The following FAM110B variants were observed in gnomAD, a reference collection of about 807,000 sequenced individuals.
The protein encoded by FAM110B is family with sequence similarity 110 member B, also known as protein FAM110B.
FAM110B carries 6 observed loss-of-function variants against 20.4 expected under a neutral mutation model. The ratio of observed to expected loss-of-function variants is 0.29; its 90% CI spans 0.16 to 0.58. FAM110B has a LOEUF of 0.58. Ranked by LOEUF, FAM110B falls within the 20% of genes least tolerant of loss-of-function variation. The pLI is 0.90. For synonymous variants in FAM110B, 226 were observed against 214.1 expected (o/e 1.06, Z -0.49); for missense variants, 434 against 498.2 (o/e 0.87, Z 1.23).
chr8:58,064,448 G>T (rs976929690), intron 2 of FAM110B, among the ~76,000 whole-genome samples: 1 of 151,564 alleles, frequency 6.6e-6, no homozygotes, highest in Admixed American at 6.6e-5. Flanking sequence ...AAAAAGTTGC[G>T]CTTAGTTAAG....
chr8:58,022,038 A>T (rs1563499494), intron 1 of FAM110B, among the ~76,000 whole-genome samples: 1 of 152,196 alleles, frequency 6.6e-6, no homozygotes, highest in Non-Finnish European at 1.5e-5. Flanking sequence ...TGTGAGCAGC[A>T]TTCTGGGGTG....
At chr8:58,076,677 T>C (rs906310449) in intron 3 of FAM110B, among the ~76,000 whole-genome samples, 2 of 152,052 alleles carry the variant, frequency 1.3e-5, no homozygotes, top group African/African-American at 4.8e-5. Context: ...TAACACCAAA[T>C]GAGGAGGTTA....
chr8:58,045,260 T>A, intron 2 of FAM110B, among the ~76,000 whole-genome samples: 1 of 152,178 alleles, frequency 6.6e-6, no homozygotes, highest in Admixed American at 6.5e-5. Context: ...TGGCAGGGTG[T>A]CAGCAAAGTG....
At chr8:58,038,170 G>A (rs1186549419) in intron 2 of FAM110B, among the ~76,000 whole-genome samples, 1 of 152,160 alleles carries the variant, frequency 6.6e-6, no homozygotes, top group East Asian at 1.9e-4. Context: ...ACATAGAAAT[G>A]CATGGTAGCC....
At chr8:58,116,147 T>C (rs984331543) in intron 3 of FAM110B, among the ~76,000 whole-genome samples, 12 of 152,254 alleles carry the variant, frequency 7.9e-5, no homozygotes, top group African/African-American at 2.7e-4. Context: ...TTTTAAAATA[T>C]ATTCAGAAAA....
chr8:58,092,614 A>G (rs944193800), intron 3 of FAM110B, among the ~76,000 whole-genome samples: 1 of 152,218 alleles, frequency 6.6e-6, no homozygotes, highest in Non-Finnish European at 1.5e-5. Context: ...AATGGTGTAC[A>G]TATGTCACAT....
intron 2 of FAM110B, among the ~76,000 whole-genome samples, chr8:58,074,354 A>G (rs1179281201): frequency 6.6e-6 from 1 of 151,796 alleles, no homozygotes; most frequent in African/African-American, 2.4e-5. Flanking sequence ...GTGTCCACCA[A>G]TCCCCCACAC....
rs7828094 is a variant in FAM110B, at chr8:58,009,153, C to T, written c.-512+14347C>T. Among the ~76,000 whole-genome samples the T allele has an allele frequency of 6.8e-3, 1,036 of 152,314 alleles. 11 individuals carry two copies. Among genetic ancestry groups the T allele is most frequent in the African/African-American group, 0.023 (951 of 41,556 alleles). ...GGGACGTAAGTCACATTCCAGCCAG[C>T]GGAGTCTTGTGAATATCTGCTTTGG... On this transcript the variant is annotated intron_variant, in intron 1 of 3. Coordinates refer to ENST00000519262, the MANE Select transcript of FAM110B (RefSeq NM_001377989.1).
intron 3 of FAM110B, among the ~76,000 whole-genome samples, chr8:58,116,294 T>A (rs904573580): frequency 1.3e-5 from 2 of 152,178 alleles, no homozygotes; most frequent in Non-Finnish European, 2.9e-5. Context: ...CTCTAACCCG[T>A]GAGTCTGAGC....
intron 2 of FAM110B, among the ~76,000 whole-genome samples, chr8:58,060,929 T>G (rs1805644668): frequency 6.6e-6 from 1 of 152,136 alleles, no homozygotes; most frequent in African/African-American, 2.4e-5. Flanking sequence ...TGTATGATTT[T>G]CTGCTTTCTT....
At chr8:58,065,144 A>G (rs1004896310) in intron 2 of FAM110B, among the ~76,000 whole-genome samples, 1 of 152,190 alleles carries the variant, frequency 6.6e-6, no homozygotes, top group Non-Finnish European at 1.5e-5. Flanking sequence ...ATCTTTTTTT[A>G]AAAACAGCAG....
intron 1 of FAM110B, among the ~76,000 whole-genome samples, chr8:58,017,131 C>A (rs966111246): frequency 6.6e-6 from 1 of 152,186 alleles, no homozygotes; most frequent in Admixed American, 6.5e-5. Context: ...GCTTCTCAGT[C>A]ATGCAGCTTG....
chr8:58,007,661 C>T (rs1804438649), intron 1 of FAM110B, among the ~76,000 whole-genome samples: 1 of 152,178 alleles, frequency 6.6e-6, no homozygotes, highest in South Asian at 2.1e-4. Flanking sequence ...CCTCCTTCAG[C>T]TGTGTGAGAA....
intron 3 of FAM110B, among the ~76,000 whole-genome samples, chr8:58,104,084 C>G (rs1162667950): frequency 2.0e-5 from 3 of 152,206 alleles, no homozygotes; most frequent in Non-Finnish European, 4.4e-5. Context: ...TCTGCATACC[C>G]ATATTTCATG....
At chr8:58,122,964 C>G (rs140283199) in intron 3 of FAM110B, among the ~76,000 whole-genome samples, 1 of 152,304 alleles carries the variant, frequency 6.6e-6, no homozygotes, top group African/African-American at 2.4e-5. Flanking sequence ...GGCGTCTCCC[C>G]CAGATCATAC....
chr8:58,074,799 T>C (rs1213892302), intron 2 of FAM110B, among the ~76,000 whole-genome samples: 1 of 152,152 alleles, frequency 6.6e-6, no homozygotes, highest in Non-Finnish European at 1.5e-5. Context: ...TGAATGGGCC[T>C]CAGTTTCTGG....
At chr8:58,029,320 G>A (rs543004743) in intron 1 of FAM110B, among the ~76,000 whole-genome samples, 1 of 152,222 alleles carries the variant, frequency 6.6e-6, no homozygotes, top group East Asian at 1.9e-4. Context: ...GAATAAGACA[G>A]GGAAACTATA....
At chr8:58,102,483 A>G (rs1806800626) in intron 3 of FAM110B, among the ~76,000 whole-genome samples, 1 of 152,184 alleles carries the variant, frequency 6.6e-6, no homozygotes, top group African/African-American at 2.4e-5. Flanking sequence ...ATTAATAATT[A>G]TTTTTAAAGG....
intron 1 of FAM110B, among the ~76,000 whole-genome samples, chr8:58,024,716 T>C (rs1804820303): frequency 6.6e-6 from 1 of 152,162 alleles, no homozygotes; most frequent in African/African-American, 2.4e-5. Flanking sequence ...AAATTGTTAT[T>C]TGATTCTCAC....
Sources: allele counts gnomAD v4.1 joint callset (sites outside exome capture counted in the v4.1 genomes callset), GRCh38; gene constraint gnomAD v4.1.1; transcripts MANE v1.5; gene names NCBI Gene and HGNC (gene_info 2026-07-23, HGNC 2026-07-21).